KSR2: variants seen among roughly 807,000 people sequenced by gnomAD.
KSR2 encodes the protein kinase suppressor of ras 2.
Under a neutral mutation model 107.8 loss-of-function variants are expected in KSR2, and 25 were observed. The ratio of observed to expected loss-of-function variants is 0.23; its 90% confidence interval spans 0.17 to 0.32. The LOEUF is 0.32. Ranked by LOEUF, KSR2 falls within the 10% of genes least tolerant of loss-of-function variation. KSR2 has a pLI of 1.00. For missense variants in KSR2, 887 were observed against 1,268.9 expected, an observed-to-expected ratio of 0.70 and a Z score of 4.57; for synonymous variants, 480 against 507.0, an observed-to-expected ratio of 0.95 and a Z score of 0.71.
chr12:117,718,845 T>C (rs1887100796), intron 4 of KSR2, among the ~76,000 whole-genome samples: 2 of 152,230 alleles, frequency 1.3e-5, no homozygotes, highest in Non-Finnish European at 2.9e-5. Flanking sequence ...ATCCCCGCTA[T>C]GTCCCCTCTG....
chr12:117,505,876 C>T (rs1214871576), intron 14 of KSR2, among the ~76,000 whole-genome samples: 4 of 152,158 alleles, frequency 2.6e-5, no homozygotes, highest in African/African-American at 9.7e-5. Context: ...AAGAAACAGC[C>T]CATTTCACCA....
At chr12:117,616,402 A>C (rs1178089358) in intron 5 of KSR2, among the ~76,000 whole-genome samples, 1 of 152,180 alleles carries the variant, frequency 6.6e-6, no homozygotes, top group East Asian at 1.9e-4. Context: ...TCAATAACTA[A>C]ATAACTTCAG....
intron 10 of KSR2, chr12:117,539,370 G>A: frequency 4.0e-6 from 1 of 250,842 alleles, no homozygotes; most frequent in Non-Finnish European, 7.4e-6. Context: ...AGAGCCAATG[G>A]CTCCCTTCTG....
intron 4 of KSR2, among the ~76,000 whole-genome samples, chr12:117,668,285 G>A (rs530928751): frequency 6.6e-5 from 10 of 152,256 alleles, no homozygotes; most frequent in East Asian, 1.9e-4. Flanking sequence ...TTCTGGTGCC[G>A]GGCTCCTCCT....
chr12:117,706,784 A>C (rs373908875), intron 4 of KSR2, among the ~76,000 whole-genome samples: 3 of 152,328 alleles, frequency 2.0e-5, no homozygotes, highest in African/African-American at 7.2e-5. Context: ...GAAATAAATA[A>C]ATACAATTAT....
chr12:117,811,105 C>T lies in KSR2; in HGVS notation c.472+44323G>A, dbSNP rs533783126. ...TTGGTGACTGGTGCTTCAGAAGGCC[C>T]GTACTTGGAGGGCAGGCCTGGCAAA... On this transcript the variant is annotated intron_variant, in intron 3 of 19. Transcript: ENST00000339824. Among the ~76,000 whole-genome samples, 10 of 152,178 alleles carry T rather than the reference C, an allele frequency of 6.6e-5. No homozygotes were observed. The East Asian group carries it at 1.4e-3, about 21-fold the overall frequency.
rs1162713549 is a variant in KSR2, at chr12:117,711,220, G to A, written c.987-43562C>T. Among the ~76,000 whole-genome samples, 6 of 152,236 alleles carry A rather than the reference G, an allele frequency of 3.9e-5. No homozygotes were observed. The South Asian group carries it at 1.2e-3, about 32-fold the overall frequency. Reference sequence around the variant, plus strand: ...AAAACAATTTTAAAGTGCCTCACGTGCCATTAAGGAAACACACCAGGAGCT... The same window carrying A: ...AAAACAATTTTAAAGTGCCTCACGTACCATTAAGGAAACACACCAGGAGCT... On this transcript the variant is annotated intron_variant, in intron 4 of 19. Coordinates refer to ENST00000339824, the MANE Select transcript of KSR2 (RefSeq NM_173598.6).
intron 2 of KSR2, among the ~76,000 whole-genome samples, chr12:117,859,225 A>C (rs1254189439): frequency 6.8e-6 from 1 of 146,348 alleles, no homozygotes; most frequent in African/African-American, 2.5e-5. Context: ...AGTTCACTGC[A>C]ACATCTGTCT....
At chr12:117,578,601 C>CAAAAA (rs66919524) in intron 7 of KSR2, among the ~76,000 whole-genome samples, 3 of 103,994 alleles carry the variant, frequency 2.9e-5, no homozygotes, top group Admixed American at 2.2e-4. Flanking sequence ...GACTCCATCT[C>CAAAAA]AAAAAAAAAA....
intron 4 of KSR2, among the ~76,000 whole-genome samples, chr12:117,731,403 TCCGGGAGGGAGGTGGGGGGCAGCC>T (rs1565984282): frequency 7.5e-6 from 1 of 134,206 alleles, no homozygotes; most frequent in East Asian, 2.2e-4. Context: ...AGCCGCCCCG[TCCGGGAGGGAGGTGGGGGGCAGCC>T]CCCGCCCAGC....
chr12:117,883,492 C>T (rs1593337534), intron 1 of KSR2, among the ~76,000 whole-genome samples: 2 of 152,172 alleles, frequency 1.3e-5, no homozygotes, highest in East Asian at 3.9e-4. Context: ...TTGATAAGTG[C>T]TATGGTGGCA....
intron 14 of KSR2, among the ~76,000 whole-genome samples, chr12:117,491,394 G>A (rs753016256): frequency 2.0e-5 from 3 of 152,088 alleles, no homozygotes; most frequent in Non-Finnish European, 4.4e-5. Context: ...TGGCCAGGCT[G>A]GTCTTGAACT....
chr12:117,934,368 G>T (rs1895779589), intron 1 of KSR2, among the ~76,000 whole-genome samples: 1 of 152,012 alleles, frequency 6.6e-6, no homozygotes, highest in Non-Finnish European at 1.5e-5. Context: ...GAAATTTGTT[G>T]GAGCCACTGA....
intron 5 of KSR2, among the ~76,000 whole-genome samples, chr12:117,622,301 A>G (rs1194286575): frequency 2.0e-5 from 3 of 152,150 alleles, no homozygotes; most frequent in Admixed American, 6.6e-5. Context: ...CTTATTTTAC[A>G]TAATTCAAGA....
intron 9 of KSR2, among the ~76,000 whole-genome samples, chr12:117,542,446 A>G (rs1178733454): frequency 1.3e-5 from 2 of 152,112 alleles, no homozygotes; most frequent in African/African-American, 4.8e-5. Context: ...TACTGATAAC[A>G]TCTTATGAAA....
At chr12:117,534,198 GTCT>G (rs1246977014) in intron 10 of KSR2, among the ~76,000 whole-genome samples, 1 of 152,142 alleles carries the variant, frequency 6.6e-6, no homozygotes. Context: ...AGCCAGAGTG[GTCT>G]TCTAGAAGGA....
At chr12:117,602,374 G>A (rs1465304276) in intron 5 of KSR2, among the ~76,000 whole-genome samples, 1 of 152,156 alleles carries the variant, frequency 6.6e-6, no homozygotes, top group Admixed American at 6.5e-5. Context: ...TACCCACTAA[G>A]CGATCATTCC....
At chr12:117,687,064 T>G (rs1175402242) in intron 4 of KSR2, among the ~76,000 whole-genome samples, 1 of 152,124 alleles carries the variant, frequency 6.6e-6, no homozygotes, top group African/African-American at 2.4e-5. Context: ...GAGCAACTCA[T>G]CCTTAAAAGC....
intron 4 of KSR2, among the ~76,000 whole-genome samples, chr12:117,711,093 A>G (rs1026172245): frequency 2.0e-5 from 3 of 152,160 alleles, no homozygotes; most frequent in African/African-American, 7.2e-5. Context: ...CCTATCCCTT[A>G]TCATAATTTT....
Sources: allele counts gnomAD v4.1 joint callset (sites outside exome capture counted in the v4.1 genomes callset), GRCh38; gene constraint gnomAD v4.1.1; transcripts MANE v1.5; gene names NCBI Gene and HGNC (gene_info 2026-07-23, HGNC 2026-07-21).